Variants in MCF2L observed in about 807,000 individuals in gnomAD.
MCF2L encodes MCF.2 cell line derived transforming sequence like.
In MCF2L, 97 loss-of-function variants were observed where a neutral mutation model predicts 153.4. The observed-to-expected ratio is 0.63, with a 90% CI of 0.54 to 0.75. MCF2L has a LOEUF of 0.75. MCF2L is among the 30% of genes least tolerant of loss of function. The pLI is 0.00. For missense variants in MCF2L, 1,347 were observed against 1,495.2 expected (o/e 0.90, Z 1.64); for synonymous variants, 659 against 632.2 (o/e 1.04, Z -0.64).
intron 20 of MCF2L, among the ~76,000 whole-genome samples, chr13:113,085,496 G>A (rs1049839471): frequency 3.3e-5 from 5 of 152,232 alleles, no homozygotes; most frequent in Admixed American, 6.5e-5. Context: ...CAGCAGGGAC[G>A]TGGGGCGGCC....
intron 2 of MCF2L, among the ~76,000 whole-genome samples, chr13:112,946,298 AC>A (rs1228514020): frequency 3.3e-5 from 5 of 150,458 alleles, no homozygotes; most frequent in African/African-American, 1.2e-4. Flanking sequence ...AAAAAAAAAA[AC>A]TATAGTAACT....
intron 1 of MCF2L, among the ~76,000 whole-genome samples, chr13:112,899,878 G>A (rs1011878291): frequency 2.0e-5 from 3 of 152,202 alleles, no homozygotes; most frequent in Non-Finnish European, 2.9e-5. Flanking sequence ...CTTTTCCACC[G>A]TATCTTGAGA....
chr13:112,903,730 G>A lies in MCF2L; in HGVS notation c.169+1359G>A, dbSNP rs146165235. Among the ~76,000 whole-genome samples, 407 of 152,298 alleles carry A rather than the reference G, an allele frequency of 2.7e-3. 3 individuals carry two copies. The highest frequency in any genetic ancestry group is 9.5e-3 in the African/African-American group (395 of 41,566). On this transcript the variant is annotated intron_variant, in intron 2 of 29. Coordinates refer to the MCF2L transcript ENST00000375608. ...AGTGACTGTCACGAATGAGAGGTGA[G>A]GACTGAGCCTCTTGGGACCTCTCAC...
chr13:113,087,874 C>A, intron 23 of MCF2L, 75 bp downstream of exon 23: 1 of 1,318,108 alleles, frequency 7.6e-7, no homozygotes, highest in African/African-American at 1.4e-5. Context: ...GTGCAAGGAT[C>A]TGCCATGAAG....
chr13:112,930,571 A>G (rs748834273), intron 2 of MCF2L, among the ~76,000 whole-genome samples: 13 of 152,218 alleles, frequency 8.5e-5, no homozygotes, highest in Admixed American at 1.3e-4. Context: ...ATTTTAGGGC[A>G]GTGAAACTAC....
At position 113,078,471 on chromosome 13, in the gene MCF2L, C is replaced by T. The variant is rs367694653; in HGVS notation, c.1734+35C>T. 45 of 1,572,384 alleles carry T rather than the reference C, an allele frequency of 2.9e-5. No individual in the cohort carries two copies. In the African/African-American group the frequency reaches 5.2e-4, roughly 18 times the overall value. The stretch of plus-strand genomic sequence containing the variant: ...GCCCAAGACAACCCCGCCATCCACA[C>T]CCCCCTCCTTGGTTCACGCTGGGCC... On this transcript the variant is annotated intron_variant, in intron 14 of 29. Transcript: ENST00000535094.
intron 5 of MCF2L, among the ~76,000 whole-genome samples, chr13:113,063,439 G>A (rs1177636129): frequency 5.7e-5 from 7 of 122,558 alleles, no homozygotes; most frequent in African/African-American, 1.1e-4. Flanking sequence ...CGCCCACAGC[G>A]TTCAGGCGTC....
intron 1 of MCF2L, among the ~76,000 whole-genome samples, chr13:113,011,993 C>T (rs1475072028): frequency 1.0e-5 from 1 of 99,894 alleles, no homozygotes; most frequent in East Asian, 3.4e-4. Flanking sequence ...GTGGACACTG[C>T]GATGAGGACG....
At chr13:112,936,811 G>A (rs991376983) in intron 2 of MCF2L, among the ~76,000 whole-genome samples, 4 of 152,022 alleles carry the variant, frequency 2.6e-5, no homozygotes, top group South Asian at 2.1e-4. Flanking sequence ...GCATTCCCTC[G>A]TAGACTTTAA....
intron 5 of MCF2L, among the ~76,000 whole-genome samples, chr13:113,063,273 C>A (rs1190424174): frequency 2.0e-5 from 3 of 152,162 alleles, no homozygotes; most frequent in African/African-American, 7.2e-5. Flanking sequence ...AAGCCAGGCG[C>A]CCCTGTCCAC....
In MCF2L at chr13:113,075,067, G is replaced by A; in HGVS notation, c.1186G>A (p.Val396Ile). Residue 396 changes from valine to isoleucine, a missense_variant, in exon 11 of 30, where the codon GTA (valine) becomes ATA (isoleucine). Around this residue, in one of 3 missense-constraint regions of MCF2L, gnomAD observed 820 missense variants for 921.2 expected, o/e 0.89. Transcript: ENST00000535094. ...EQLIGNKHYA[V>I]DSIRPKCQEL... is the part of the protein sequence containing the mutation. ...GCTCATTGGGAACAAGCACTACGCG[G>A]TAGACTCCATCCGCCCAAAGTGCCA... The A allele has an allele frequency of 6.2e-7, 1 of 1,613,868 alleles. No homozygotes were observed. Among genetic ancestry groups the A allele is most frequent in the Non-Finnish European group, 8.5e-7 (1 of 1,180,002 alleles).
intron 1 of MCF2L, among the ~76,000 whole-genome samples, chr13:113,011,487 T>TGGATGGTGGACACTGCAGTGC (rs2084099956): frequency 6.8e-6 from 1 of 146,756 alleles, no homozygotes; most frequent in African/African-American, 2.6e-5. Context: ...ACAGGCGGTG[T>TGGATGGTGGACACTGCAGTGC]GGATGGTGGA....
chr13:112,985,497 C>A, intron 1 of MCF2L: 1 of 470,588 alleles, frequency 2.1e-6, no homozygotes, highest in South Asian at 1.5e-5. Flanking sequence ...TCCTCGTCCC[C>A]TGTGAGTCCC....
intron 2 of MCF2L, among the ~76,000 whole-genome samples, chr13:112,903,836 A>T (rs1367530170): frequency 6.6e-6 from 1 of 152,168 alleles, no homozygotes; most frequent in Non-Finnish European, 1.5e-5. Context: ...AAACCCTGTG[A>T]GCGAGGAGAC....
At chr13:112,930,421 G>A (rs1188760154) in intron 2 of MCF2L, among the ~76,000 whole-genome samples, 1 of 152,194 alleles carries the variant, frequency 6.6e-6, no homozygotes, top group African/African-American at 2.4e-5. Flanking sequence ...TTATTGCCAA[G>A]AGGAAGAAGC....
At chr13:113,026,361 T>C in intron 3 of MCF2L, among the ~76,000 whole-genome samples, 1 of 152,166 alleles carries the variant, frequency 6.6e-6, no homozygotes, top group East Asian at 1.9e-4. Flanking sequence ...GCTGAGGGGT[T>C]AGAGCTTTGT....
At chr13:113,021,686 G>T (rs1034624746) in intron 2 of MCF2L, among the ~76,000 whole-genome samples, 1 of 152,338 alleles carries the variant, frequency 6.6e-6, no homozygotes, top group Middle Eastern at 3.4e-3. Context: ...TGGTGGGGAG[G>T]GTTTCTCCAG....
chr13:113,034,547 TCGCCC>T (rs2086013653), intron 3 of MCF2L, among the ~76,000 whole-genome samples: 3 of 151,814 alleles, frequency 2.0e-5, no homozygotes, highest in South Asian at 2.1e-4. Flanking sequence ...ACCCTCACCC[TCGCCC>T]TGGTCTCACC....
At position 113,094,513 on chromosome 13, in the gene MCF2L, G is replaced by C; in HGVS notation, c.2954-1G>C. 1 of 1,610,678 alleles carries C rather than the reference G, an allele frequency of 6.2e-7. No individual in the cohort carries two copies. The highest frequency in any genetic ancestry group is 2.2e-5 in the East Asian group (1 of 44,856). On this transcript the variant is annotated splice_acceptor_variant, in intron 26 of 29. Coordinates refer to ENST00000535094, the MANE Select transcript of MCF2L (RefSeq NM_001112732.3). LOFTEE classifies it high-confidence loss of function. ...CCCTCACGGGTGTCTGTCTCTCTTA[G>C]GTTGGAGCAAAACGTCCCACTCACT...
Sources: gnomAD v4.1 joint callset for allele counts (sites outside exome capture counted in the v4.1 genomes callset) on GRCh38, gnomAD v4.1.1 for gene constraint, gnomAD v4.1.1 regional missense constraint, MANE v1.5 for transcripts, NCBI Gene and HGNC (gene_info 2026-07-23, HGNC 2026-07-21) for gene names.